GBE1: variants seen among roughly 807,000 people sequenced by gnomAD.
GBE1 encodes 1,4-alpha-glucan-branching enzyme.
GBE1 carries 70 observed loss-of-function variants against 88.8 expected under a neutral mutation model. The observed-to-expected ratio is 0.79, with a 90% confidence interval of 0.65 to 0.96. GBE1 has a LOEUF of 0.96. GBE1 is among the 40% of genes least tolerant of loss of function. The pLI is 0.00. For missense variants in GBE1, 872 were observed against 871.0 expected, an observed-to-expected ratio of 1.00 and a Z score of -0.01; for synonymous variants, 284 against 300.1, an observed-to-expected ratio of 0.95 and a Z score of 0.56.
rs568037570 is a variant in GBE1 at position 81,665,300 on chromosome 3, G to C, written c.429+5538C>G. Among the ~76,000 whole-genome samples, 3 of 152,202 alleles carry C rather than the reference G, an allele frequency of 2.0e-5. No individual in the cohort carries two copies. In the East Asian group the frequency reaches 5.8e-4, roughly 29 times the overall value. ...TGTAATCCCAGCACTTTGGGAGGCTGAGGCGGGCGGATCACGAGCTCAGAA... is the reference window on the plus strand; with the variant it reads ...TGTAATCCCAGCACTTTGGGAGGCTCAGGCGGGCGGATCACGAGCTCAGAA... On this transcript the variant is annotated intron_variant, in intron 3 of 15. Coordinates refer to ENST00000429644, the MANE Select transcript of GBE1 (RefSeq NM_000158.4).
At chr3:81,660,078 A>T (rs1000633876) in intron 3 of GBE1, among the ~76,000 whole-genome samples, 1 of 152,238 alleles carries the variant, frequency 6.6e-6, no homozygotes, top group Admixed American at 6.5e-5. Context: ...ACCATCAAGA[A>T]ATAAGAAAGC....
chr3:81,612,543 C>A, intron 7 of GBE1: 1 of 830,166 alleles, frequency 1.2e-6, no homozygotes, highest in Non-Finnish European at 2.0e-6. Context: ...AGTGCGAACA[C>A]TGGTGGATGG....
intron 13 of GBE1, among the ~76,000 whole-genome samples, chr3:81,536,554 A>T (rs1295755933): frequency 6.6e-6 from 1 of 152,020 alleles, no homozygotes; most frequent in Non-Finnish European, 1.5e-5. Context: ...TTATGACAGC[A>T]TAATTATTTA....
At chr3:81,621,393 G>A (rs1198926316) in intron 7 of GBE1, among the ~76,000 whole-genome samples, 2 of 152,170 alleles carry the variant, frequency 1.3e-5, no homozygotes, top group Non-Finnish European at 2.9e-5. Flanking sequence ...GGGAAATGGA[G>A]AAACACCATT....
intron 3 of GBE1, chr3:81,654,682 AC>A (rs1266684421): frequency 2.6e-5 from 4 of 152,192 alleles, no homozygotes; most frequent in Non-Finnish European, 5.9e-5. Context: ...GTGAAAAAAA[AC>A]ATATTGATCA....
At chr3:81,589,664 C>T (rs1023142085) in intron 9 of GBE1, among the ~76,000 whole-genome samples, 34 of 151,958 alleles carry the variant, frequency 2.2e-4, no homozygotes, top group African/African-American at 8.0e-4. Context: ...ACAATTTTAA[C>T]TTTCATGTAT....
chr3:81,613,860 G>T (rs1704213515), intron 7 of GBE1, among the ~76,000 whole-genome samples: 1 of 150,394 alleles, frequency 6.6e-6, no homozygotes, highest in Non-Finnish European at 1.5e-5. Flanking sequence ...GGAAAGGAAA[G>T]ATGATGCTCA....
chr3:81,564,541 T>A (rs1335963340), intron 12 of GBE1, among the ~76,000 whole-genome samples: 1 of 152,204 alleles, frequency 6.6e-6, no homozygotes, highest in Non-Finnish European at 1.5e-5. Context: ...TAGTATAATC[T>A]TTTTATATTT....
chr3:81,618,981 T>TA (rs35406573), intron 7 of GBE1, among the ~76,000 whole-genome samples: 20,256 of 151,976 alleles, frequency 0.13, 1,985 homozygotes, highest in East Asian at 0.37. Flanking sequence ...AGATTCTTTT[T>TA]AAAAAAATGA....
At chr3:81,643,349 T>C (rs992931245) in intron 6 of GBE1, among the ~76,000 whole-genome samples, 2 of 152,142 alleles carry the variant, frequency 1.3e-5, no homozygotes, top group African/African-American at 4.8e-5. Flanking sequence ...TTACAGGGTG[T>C]ACATTTGAGA....
At chr3:81,558,772 T>G (rs1183330802) in intron 12 of GBE1, among the ~76,000 whole-genome samples, 1 of 152,146 alleles carries the variant, frequency 6.6e-6, no homozygotes, top group Admixed American at 6.6e-5. Context: ...TATAGTAATA[T>G]TTCTATATTA....
intron 14 of GBE1, among the ~76,000 whole-genome samples, chr3:81,508,105 A>C (rs991481768): frequency 4.1e-4 from 62 of 152,300 alleles, no homozygotes; most frequent in African/African-American, 1.4e-3. Context: ...GTTTATTTTT[A>C]AGCATGCTTA....
chr3:81,509,672 A>G (rs1488477841), intron 14 of GBE1: 2 of 151,672 alleles, frequency 1.3e-5, no homozygotes, highest in Non-Finnish European at 2.9e-5. Flanking sequence ...CTTGGGTTTT[A>G]ATTTTTAATC....
rs529555063 is a variant in GBE1 at position 81,733,314 on chromosome 3, C to T, written c.144-27701G>A. Among the ~76,000 whole-genome samples, 18 of 151,908 alleles carry T rather than the reference C, an allele frequency of 1.2e-4. No homozygotes were observed. Among genetic ancestry groups the T allele is most frequent in the African/African-American group, 4.3e-4 (18 of 41,398 alleles). ...ACAGGATCATCTAGTTGCAGGAAAACAAGCTCAGGGCTCCCACCAATTCTA... is the reference window on the plus strand; with the variant it reads ...ACAGGATCATCTAGTTGCAGGAAAATAAGCTCAGGGCTCCCACCAATTCTA... On this transcript the variant is annotated intron_variant, in intron 1 of 15. Transcript: ENST00000429644. The surrounding 1 kb of genome is among the most constrained non-coding windows in gnomAD (Gnocchi z 4.0).
intron 1 of GBE1, among the ~76,000 whole-genome samples, chr3:81,731,589 C>T (rs1706186596): frequency 1.3e-5 from 2 of 152,174 alleles, no homozygotes; most frequent in East Asian, 1.9e-4. Flanking sequence ...GTAATAATAC[C>T]TAATGTTGGA....
intron 1 of GBE1, among the ~76,000 whole-genome samples, chr3:81,715,221 A>G (rs1705924817): frequency 6.6e-6 from 1 of 152,176 alleles, no homozygotes; most frequent in Non-Finnish European, 1.5e-5. Context: ...ATATCGTCTC[A>G]CTTGAGAATT....
At chr3:81,523,685 C>T (rs1702903441) in intron 14 of GBE1, among the ~76,000 whole-genome samples, 1 of 151,668 alleles carries the variant, frequency 6.6e-6, no homozygotes. Flanking sequence ...TCCTTCTACT[C>T]TCTTATCTCC....
At chr3:81,711,635 C>T (rs988202328) in intron 1 of GBE1, among the ~76,000 whole-genome samples, 1 of 152,136 alleles carries the variant, frequency 6.6e-6, no homozygotes, top group Non-Finnish European at 1.5e-5. Flanking sequence ...CCCTTCCTTA[C>T]ACTTATACAA....
chr3:81,578,423 T>C (rs866040066), intron 11 of GBE1, among the ~76,000 whole-genome samples: 49 of 151,800 alleles, frequency 3.2e-4, no homozygotes, highest in African/African-American at 1.1e-3. Flanking sequence ...ATTATAATGT[T>C]GAGAATATTA....
Sources: allele counts gnomAD v4.1 joint callset (sites outside exome capture counted in the v4.1 genomes callset), GRCh38; gene constraint gnomAD v4.1.1; non-coding constraint Gnocchi (gnomAD v3.1); transcripts MANE v1.5; gene names NCBI Gene and HGNC (gene_info 2026-07-23, HGNC 2026-07-21).